Variants in ORC2 observed in about 807,000 individuals in gnomAD.
The protein encoded by ORC2 is origin recognition complex subunit 2.
Under a neutral mutation model 77.7 loss-of-function variants are expected in ORC2, and 37 were observed. The observed-to-expected ratio is 0.48, with a 90% CI of 0.37 to 0.63. The LOEUF (loss-of-function observed/expected upper bound fraction) is 0.63. ORC2 is among the 20% of genes least tolerant of loss of function. ORC2 has a pLI of 0.00. For synonymous variants in ORC2, 201 were observed against 229.5 expected, an observed-to-expected ratio of 0.88 and a Z score of 1.12; for missense variants, 557 against 661.9, an observed-to-expected ratio of 0.84 and a Z score of 1.74.
intron 5 of ORC2, among the ~76,000 whole-genome samples, chr2:200,945,969 T>G (rs2041242830): frequency 6.6e-6 from 1 of 152,136 alleles, no homozygotes; most frequent in Admixed American, 6.6e-5. Flanking sequence ...ACCCATTTAT[T>G]TCTCCAGCCT....
chr2:200,942,741 G>C lies in ORC2; in HGVS notation c.365C>G (p.Ser122Ter). ...ELAKTPQKSV[S>*]FSLKNDPEIT... ...CTCAGGATCATTCTTCAAACTGAAT[G>C]AAACACTTTTTTGTGGTGTTTTTGC... Residue 122 changes from serine to a stop codon, truncating the protein, a stop_gained, in exon 6 of 18, where the codon TCA becomes TGA. Transcript: ENST00000234296. LOFTEE classifies it high-confidence loss of function. The C allele has an allele frequency of 6.2e-7, 1 of 1,610,532 alleles. No individual in the cohort carries two copies. Among genetic ancestry groups the C allele is most frequent in the Non-Finnish European group, 8.5e-7 (1 of 1,178,054 alleles).
Position 200,911,281 on chromosome 2 carries a change from T to G in ORC2, c.*20A>C. 1 of 1,495,726 alleles carries G rather than the reference T, an allele frequency of 6.7e-7. No individual in the cohort carries two copies. The highest frequency in any genetic ancestry group is 9.3e-7 in the Non-Finnish European group (1 of 1,072,616). The allele number at this position is 1,495,726 out of a possible 1,614,324, so 92.7% of individuals were successfully genotyped here. On this transcript the variant is annotated 3_prime_UTR_variant, in exon 18 of 18. Transcript: ENST00000234296. ...TGGGGTACAACCCTTCCATGGGAGA[T>G]TCAAGAATAAAGGAAAGCTTCAAGC...
intron 6 of ORC2, among the ~76,000 whole-genome samples, chr2:200,942,356 C>T (rs576304683): frequency 2.0e-5 from 3 of 152,284 alleles, no homozygotes; most frequent in African/African-American, 4.8e-5. Context: ...AAACTCCAAA[C>T]GCCTTATTTC....
At chr2:200,959,594 A>G (rs1330659662) in intron 1 of ORC2, among the ~76,000 whole-genome samples, 154 bp from the exon 2 acceptor site, 5 of 152,228 alleles carry the variant, frequency 3.3e-5, no homozygotes, top group Non-Finnish European at 7.3e-5. Context: ...GTAAAGGACA[A>G]AAAGACCATT....
chr2:200,924,572 ACTTCT>A (rs1404876403), intron 13 of ORC2, among the ~76,000 whole-genome samples: 1 of 152,144 alleles, frequency 6.6e-6, no homozygotes, highest in Non-Finnish European at 1.5e-5. Context: ...ATTCTCAATT[ACTTCT>A]CTTAATTCTT....
intron 11 of ORC2, among the ~76,000 whole-genome samples, chr2:200,927,526 C>CAA (rs1158700178): frequency 2.1e-4 from 28 of 131,096 alleles, no homozygotes; most frequent in African/African-American, 3.8e-4. Context: ...ACTAAAAATA[C>CAA]AAAAAAAAAA....
chr2:200,959,351 C>A (rs984334580), intron 2 of ORC2, 41 bp downstream of exon 2: 1 of 152,218 alleles, frequency 6.6e-6, no homozygotes. Flanking sequence ...TTTATTTTGA[C>A]AAGCAACATG....
intron 4 of ORC2, among the ~76,000 whole-genome samples, chr2:200,950,738 T>C (rs1323331087): frequency 6.6e-6 from 1 of 152,196 alleles, no homozygotes; most frequent in East Asian, 1.9e-4. Flanking sequence ...TTTTTGTCAA[T>C]ACTTAATGGA....
chr2:200,939,017 C>A (rs1419756314), intron 7 of ORC2, among the ~76,000 whole-genome samples: 3 of 145,280 alleles, frequency 2.1e-5, no homozygotes, highest in Non-Finnish European at 1.5e-5. Flanking sequence ...CCAGCCTGGA[C>A]AACACAATGA....
intron 11 of ORC2, among the ~76,000 whole-genome samples, chr2:200,927,170 G>C (rs1454252660): frequency 6.6e-6 from 1 of 151,714 alleles, no homozygotes; most frequent in Non-Finnish European, 1.5e-5. Context: ...TGCAACCTCA[G>C]CCTCCCAGGT....
intron 13 of ORC2, among the ~76,000 whole-genome samples, chr2:200,922,094 T>C (rs1444933615): frequency 3.1e-5 from 4 of 127,724 alleles, no homozygotes; most frequent in African/African-American, 6.1e-5. Flanking sequence ...CTCTCAGAGA[T>C]TATATAGAAA....
chr2:200,953,883 T>G (rs2041412381), intron 4 of ORC2, among the ~76,000 whole-genome samples: 1 of 152,116 alleles, frequency 6.6e-6, no homozygotes, highest in African/African-American at 2.4e-5. Context: ...ATGGTGTGAT[T>G]GTGGCTCACT....
At chr2:200,945,441 G>A (rs542900209) in intron 5 of ORC2, among the ~76,000 whole-genome samples, 3 of 119,914 alleles carry the variant, frequency 2.5e-5, no homozygotes, top group South Asian at 2.2e-4. Context: ...ACTTTAGCCC[G>A]AGCTAAAGGG....
intron 6 of ORC2, among the ~76,000 whole-genome samples, chr2:200,941,757 C>T (rs763670884): frequency 6.6e-6 from 1 of 152,180 alleles, no homozygotes; most frequent in African/African-American, 2.4e-5. Context: ...GAGGCCAAGG[C>T]AGGAGGATCG....
intron 10 of ORC2, among the ~76,000 whole-genome samples, chr2:200,933,675 C>CT (rs1207783978): frequency 6.6e-6 from 1 of 152,160 alleles, no homozygotes; most frequent in African/African-American, 2.4e-5. Context: ...TCCCAAGGTG[C>CT]TGAGATTACA....
chr2:200,911,051 C>T lies in ORC2; in HGVS notation c.*250G>A. On this transcript the variant is annotated 3_prime_UTR_variant, in exon 18 of 18. Transcript: ENST00000234296. ...TCCCTGAGCACACTGTTCATTCCAG[C>T]AAGAAGTCTCCAGAGAGGTAATGAA... 1 of 356,548 alleles carries T rather than the reference C, an allele frequency of 2.8e-6. No individual in the cohort carries two copies. The highest frequency in any genetic ancestry group is 5.2e-6 in the Non-Finnish European group (1 of 193,202). The allele number at this position is 356,548 out of a possible 1,614,324, so 22.1% of individuals were successfully genotyped here.
chr2:200,925,047 A>G (rs549935952), intron 13 of ORC2, among the ~76,000 whole-genome samples: 3 of 152,342 alleles, frequency 2.0e-5, no homozygotes, highest in Admixed American at 2.0e-4. Context: ...GGCGTCAGCC[A>G]CTGCGCCCAG....
Position 200,956,773 on chromosome 2 carries a change from A to AAAAT in ORC2, c.238+624_238+627dup, listed in dbSNP as rs557684169. ...GGTGACTGAGCAAGACCCTGTCTCTAAAATAAATAAATAAATAAATAAATA... is the reference window on the plus strand; with the variant it reads ...GGTGACTGAGCAAGACCCTGTCTCTAAAATAAATAAATAAATAAATAAATAAATA... On this transcript the variant is annotated intron_variant, in intron 4 of 17. Transcript: ENST00000234296. Among the ~76,000 whole-genome samples the AAAAT allele has an allele frequency of 3.3e-3, 505 of 152,202 alleles. 3 individuals carry two copies. The highest frequency in any genetic ancestry group is 4.7e-3 in the Non-Finnish European group (320 of 68,000).
chr2:200,922,822 TG>T (rs2040782466), intron 13 of ORC2, among the ~76,000 whole-genome samples: 1 of 152,206 alleles, frequency 6.6e-6, no homozygotes, highest in Non-Finnish European at 1.5e-5. Context: ...TACAAGGATC[TG>T]TGGTAAGGGA....
Sources: allele counts gnomAD v4.1 joint callset (sites outside exome capture counted in the v4.1 genomes callset), GRCh38; gene constraint gnomAD v4.1.1; transcripts MANE v1.5; gene names NCBI Gene and HGNC (gene_info 2026-07-23, HGNC 2026-07-21).